Variants in TRMU observed in about 807,000 individuals in gnomAD.
TRMU encodes tRNA mitochondrial 2-thiouridylase, also known as mitochondrial tRNA-specific 2-thiouridylase 1.
Under a neutral mutation model 46.9 loss-of-function variants are expected in TRMU, and 49 were observed. The observed-to-expected ratio is 1.05, with a 90% CI of 0.83 to 1.33. TRMU has a LOEUF of 1.33. TRMU is among the 40% of genes most tolerant of loss of function. The pLI, the probability that TRMU is intolerant of heterozygous loss-of-function variation, is 0.00. For missense variants in TRMU, 572 were observed against 532.4 expected, an observed-to-expected ratio of 1.07 and a Z score of -0.73; for synonymous variants, 241 against 200.9, an observed-to-expected ratio of 1.20 and a Z score of -1.69.
rs1003759213 is a variant in TRMU at position 46,353,448 on chromosome 22, C to T, written c.773-319C>T. ...TGGGCTCAGCAAGAAGGGCCCCTGG[C>T]GTCACACAGGGCACCCAGCCGCATC... is the stretch of plus-strand genomic sequence containing the variant. On this transcript the variant is annotated intron_variant, in intron 7 of 10. Coordinates refer to ENST00000645190, the MANE Select transcript of TRMU (RefSeq NM_018006.5). 65 of 365,746 alleles carry T rather than the reference C, an allele frequency of 1.8e-4. No homozygotes were observed. The Admixed American group carries it at 2.2e-3, about 12-fold the overall frequency. The allele number at this position is 365,746 out of a possible 1,614,324, so 22.7% of individuals were successfully genotyped here.
intron 9 of TRMU, 28 bp from the exon 10 acceptor site, chr22:46,355,962 C>T: frequency 6.2e-7 from 1 of 1,612,938 alleles, no homozygotes; most frequent in Non-Finnish European, 8.5e-7. Flanking sequence ...GCCTGTGCCC[C>T]CTCCAAGGGC....
rs1028946208 is a variant in TRMU at position 46,347,198 on chromosome 22, G to A, written c.478+654G>A. Among the ~76,000 whole-genome samples, 4 of 152,080 alleles carry A rather than the reference G, an allele frequency of 2.6e-5. No individual in the cohort carries two copies. The highest frequency in any genetic ancestry group is 6.5e-5 in the Admixed American group (1 of 15,280). The stretch of plus-strand genomic sequence containing the variant: ...TCAGAGCCGTGTTTCCGCACGGAGC[G>A]TCCGTCCATCAGTGGGGACCCCTGA... On this transcript the variant is annotated intron_variant, in intron 4 of 10. Transcript: ENST00000645190. The surrounding 1 kb of genome is among the most constrained non-coding windows in gnomAD (Gnocchi z 5.0).
Position 46,338,374 on chromosome 22 carries a change from T to TA in TRMU, c.248+434dup, listed in dbSNP as rs1165754827. 1.3e-5 allele frequency among the ~76,000 whole-genome samples: 2 copies of TA among 152,248 alleles called. No individual in the cohort carries two copies. Among genetic ancestry groups the TA allele is most frequent in the Non-Finnish European group, 2.9e-5 (2 of 68,036 alleles). ...AACAAGAAACAAACAAAAACTTTTC[T>TA]AAAATCCAATATAATCTCAATAATT... On this transcript the variant is annotated intron_variant, in intron 2 of 10. Coordinates refer to ENST00000645190, the MANE Select transcript of TRMU (RefSeq NM_018006.5). This position sits in a 1 kb window ranked among gnomAD's most constrained non-coding sequence, Gnocchi z 4.5.
At chr22:46,354,067 G>A in intron 8 of TRMU, 200 bp downstream of exon 8, 1 of 553,650 alleles carries the variant, frequency 1.8e-6, no homozygotes, top group Non-Finnish European at 3.3e-6. Flanking sequence ...ATTAGGCTGA[G>A]TTGTATGCTG....
At position 46,351,456 on chromosome 22, in the gene TRMU, C is replaced by T. The variant is rs915370221; in HGVS notation, c.652-665C>T. Among the ~76,000 whole-genome samples the T allele has an allele frequency of 3.3e-5, 5 of 151,206 alleles. No homozygotes were observed. The highest frequency in any genetic ancestry group is 7.4e-5 in the African/African-American group (3 of 40,560). On this transcript the variant is annotated intron_variant, in intron 5 of 10. Coordinates refer to ENST00000645190, the MANE Select transcript of TRMU (RefSeq NM_018006.5). This position sits in a 1 kb window ranked among gnomAD's most constrained non-coding sequence, Gnocchi z 6.4. ...AGTGCGGTGGGAGCTGTTGCTCCTT[C>T]GTGTCTCTTCCTGGTAATGGAAACG...
At chr22:46,353,496 C>T in intron 7 of TRMU, 1 of 405,322 alleles carries the variant, frequency 2.5e-6, no homozygotes, top group Non-Finnish European at 4.7e-6. Context: ...TCAGGGGCTC[C>T]TACAGCTGGA....
chr22:46,357,308 G>A lies in TRMU; in HGVS notation c.*302G>A, dbSNP rs2078644601. 4.0e-6 allele frequency: 2 copies of A among 499,564 alleles called. No individual in the cohort carries two copies. Among genetic ancestry groups the A allele is most frequent in the Non-Finnish European group, 7.3e-6 (2 of 273,284 alleles). 30.9% of individuals were successfully genotyped at this position (499,564 alleles called of 1,614,324 possible). A position where few individuals can be genotyped will look rare whatever the true frequency, so the allele number is the denominator to read the frequency against. On this transcript the variant is annotated 3_prime_UTR_variant, in exon 11 of 11. Transcript: ENST00000645190. Reference sequence around the variant, plus strand: ...AGGGGACCTGCAGAGGGGGCTGTCGGGACAGCGTGGAATAAACATTATTTC... The same window carrying A: ...AGGGGACCTGCAGAGGGGGCTGTCGAGACAGCGTGGAATAAACATTATTTC...
chr22:46,343,214 TGA>T, intron 2 of TRMU, 46 bp from the exon 3 acceptor site: 8 of 1,308,234 alleles, frequency 6.1e-6, no homozygotes, highest in Admixed American at 4.1e-5. Context: ...TTTTTTTTTT[TGA>T]GGAATGTTTC....
chr22:46,346,948 C>T (rs561622242), intron 4 of TRMU, among the ~76,000 whole-genome samples: 1 of 152,394 alleles, frequency 6.6e-6, no homozygotes, highest in East Asian at 1.9e-4. Flanking sequence ...AGACTTTCAA[C>T]GTGCTGTGAG....
rs528531502 is a variant in TRMU, at chr22:46,339,341, G to C, written c.248+1397G>C. On this transcript the variant is annotated intron_variant, in intron 2 of 10. Transcript: ENST00000645190. This position sits in a 1 kb window ranked among gnomAD's most constrained non-coding sequence, Gnocchi z 4.8. ...ATTTTTGTATTTTTAGTAGAGACAG[G>C]GTTTCGCCATGTTGGCCGGGCTAGT... Among the ~76,000 whole-genome samples, 83 of 152,258 alleles carry C rather than the reference G, an allele frequency of 5.5e-4. No homozygotes were observed. Among genetic ancestry groups the C allele is most frequent in the African/African-American group, 1.9e-3 (80 of 41,560 alleles).
Position 46,339,441 on chromosome 22 carries a change from C to T in TRMU, c.248+1497C>T, listed in dbSNP as rs1005832831. ...CTGGGATTACAGGCGTGAGCCACCACGCCAGCCTGCTATTTTTATTTTCAT... is the reference window on the plus strand; with the variant it reads ...CTGGGATTACAGGCGTGAGCCACCATGCCAGCCTGCTATTTTTATTTTCAT... On this transcript the variant is annotated intron_variant, in intron 2 of 10. Coordinates refer to ENST00000645190, the MANE Select transcript of TRMU (RefSeq NM_018006.5). This position sits in a 1 kb window ranked among gnomAD's most constrained non-coding sequence, Gnocchi z 4.8. Among the ~76,000 whole-genome samples the T allele has an allele frequency of 6.6e-5, 10 of 152,208 alleles. No homozygotes were observed. Among genetic ancestry groups the T allele is most frequent in the African/African-American group, 2.2e-4 (9 of 41,440 alleles).
rs2078630332 is a variant in TRMU, at chr22:46,356,920, C to T, written c.1180C>T (p.Gln394Ter). ...LRLGPSAYTL[Q>*]KGQRRAGMAT... ...GCTGGGGCCGTCTGCCTACACGCTC[C>T]AGAAGGGCCAGCGCAGAGCTGGGAT... The change falls in exon 11 of 11, where the codon CAG becomes TAG. Residue 394 changes from glutamine (Q) to a stop codon, truncating the protein, a stop_gained. Coordinates refer to ENST00000645190, the MANE Select transcript of TRMU (RefSeq NM_018006.5). LOFTEE classifies it low-confidence loss of function (END_TRUNC). 1 of 1,613,386 alleles carries T rather than the reference C, an allele frequency of 6.2e-7. No homozygotes were observed. The highest frequency in any genetic ancestry group is 8.5e-7 in the Non-Finnish European group (1 of 1,180,012).
In TRMU at chr22:46,350,145, C is replaced by A. The variant is rs907215949; in HGVS notation, c.479-146C>A. The A allele has an allele frequency of 5.8e-6, 5 of 863,034 alleles. No homozygotes were observed. Among genetic ancestry groups the A allele is most frequent in the Admixed American group, 5.3e-5 (2 of 37,942 alleles). 53.5% of individuals were successfully genotyped at this position (863,034 alleles called of 1,614,324 possible). On this transcript the variant is annotated intron_variant, in intron 4 of 10. Coordinates refer to ENST00000645190, the MANE Select transcript of TRMU (RefSeq NM_018006.5). The surrounding 1 kb of genome is among the most constrained non-coding windows in gnomAD (Gnocchi z 4.6). ...TTTTCTTACATTAACCCGTGGTGGT[C>A]TTTTCCCTAGTAGTTGCTATTGAGT...
At position 46,335,812 on chromosome 22, in the gene TRMU, C is replaced by T. The variant is rs1447716712; in HGVS notation, c.48C>T (p.Asp16=). 4 of 1,559,502 alleles carry T rather than the reference C, an allele frequency of 2.6e-6. 1 individual carries two copies. The highest frequency in any genetic ancestry group is 2.3e-5 in the South Asian group (2 of 85,818). Residue 16 remains aspartate (D), a synonymous_variant, in exon 1 of 11, where the codon GAC becomes GAT. Transcript: ENST00000645190. ...HVVCALSGGV[D]SAVAALLLRR... ...TGTGCGCCCTGTCCGGCGGCGTGGA[C>T]AGCGCCGTGGCCGCGCTGCTGCTGA... is the stretch of plus-strand genomic sequence containing the variant.
intron 9 of TRMU, 170 bp from the exon 10 acceptor site, chr22:46,355,820 T>A: frequency 1.0e-6 from 1 of 986,678 alleles, no homozygotes; most frequent in African/African-American, 2.0e-5. Flanking sequence ...AGCAAGTGTG[T>A]ACACTGCCCC....
At chr22:46,346,140 T>C (rs1041782087) in intron 3 of TRMU, among the ~76,000 whole-genome samples, 2 of 152,252 alleles carry the variant, frequency 1.3e-5, no homozygotes, top group African/African-American at 2.4e-5. Context: ...TTTCAGACTG[T>C]TTCCTTAAGC....
intron 10 of TRMU, 146 bp from the exon 11 acceptor site, chr22:46,356,696 G>A: frequency 1.0e-6 from 1 of 957,106 alleles, no homozygotes; most frequent in African/African-American, 1.6e-5. Context: ...TTCAGCAGCA[G>A]CAGCAGCAGC....
In TRMU at chr22:46,355,994, C is replaced by G. The variant is rs1450632938; in HGVS notation, c.1023C>G (p.Pro341=). 1 of 1,613,838 alleles carries G rather than the reference C, an allele frequency of 6.2e-7. No individual in the cohort carries two copies. Among genetic ancestry groups the G allele is most frequent in the Non-Finnish European group, 8.5e-7 (1 of 1,179,992 alleles). The change falls in exon 10 of 11, where the codon CCC becomes CCG. Residue 341 remains proline, a synonymous_variant. Transcript: ENST00000645190. ...GGGCCCCTCTCTTCTACCCAGTGCCCTGTGTGCTGACCCTCAATCAAGATG... is the reference window on the plus strand; with the variant it reads ...GGGCCCCTCTCTTCTACCCAGTGCCGTGTGTGCTGACCCTCAATCAAGATG... ...FRFRHQMALV[P]CVLTLNQDGT...
intron 1 of TRMU, 91 bp from the exon 2 acceptor site, chr22:46,337,688 C>G: frequency 6.6e-6 from 10 of 1,518,812 alleles, no homozygotes; most frequent in Non-Finnish European, 9.0e-6. Context: ...AGGAGCACAG[C>G]GTGTGGGGAA....
Sources: allele counts gnomAD v4.1 joint callset (sites outside exome capture counted in the v4.1 genomes callset), GRCh38; gene constraint gnomAD v4.1.1; non-coding constraint Gnocchi (gnomAD v3.1); transcripts MANE v1.5; gene names NCBI Gene and HGNC (gene_info 2026-07-23, HGNC 2026-07-21).